The following INSC variants were observed in gnomAD, a reference collection of about 807,000 sequenced individuals.
The protein encoded by INSC is INSC spindle orientation adaptor protein.
A neutral mutation model predicts 58.6 loss-of-function variants in INSC; 67 were observed. The observed-to-expected ratio is 1.14, with a 90% CI of 0.94 to 1.40. The LOEUF (loss-of-function observed/expected upper bound fraction) is 1.40. Ranked by LOEUF, INSC falls within the 40% of genes most tolerant of loss-of-function variation. INSC has a pLI of 0.00. For synonymous variants in INSC, 262 were observed against 276.1 expected (o/e 0.95, Z 0.51); for missense variants, 714 against 692.0 (o/e 1.03, Z -0.36).
intron 7 of INSC, among the ~76,000 whole-genome samples, chr11:15,210,296 G>A (rs1850968712): frequency 6.6e-6 from 1 of 151,910 alleles, no homozygotes; most frequent in African/African-American, 2.4e-5. Context: ...GTATCCTGTG[G>A]CATATGAAGT....
chr11:15,248,485 G>C (rs545447912), downstream of INSC, among the ~76,000 whole-genome samples: 1 of 152,244 alleles, frequency 6.6e-6, no homozygotes, highest in African/African-American at 2.4e-5. Context: ...CAGAGATCAG[G>C]GGCCCTACTT....
At chr11:15,252,831 G>T in the INSC span, among the ~76,000 whole-genome samples, 3 of 152,128 alleles carry the variant, frequency 2.0e-5, no homozygotes, top group Admixed American at 6.6e-5. Context: ...AGGCTTTTCT[G>T]TCTGATATGC....
chr11:15,221,720 A>T, intron 8 of INSC, 72 bp downstream of exon 8: 1 of 1,433,508 alleles, frequency 7.0e-7, no homozygotes, highest in Non-Finnish European at 9.4e-7. Flanking sequence ...AATAGCCAGG[A>T]AGGCCTTCCC....
chr11:15,172,722 G>T (rs2133815675), intron 2 of INSC, among the ~76,000 whole-genome samples: 1 of 152,336 alleles, frequency 6.6e-6, no homozygotes, highest in South Asian at 2.1e-4. Context: ...TTGTGAAAGA[G>T]AGTGGTATGT....
At chr11:15,206,089 G>C (rs529063740) in intron 7 of INSC, among the ~76,000 whole-genome samples, 71 of 152,282 alleles carry the variant, frequency 4.7e-4, no homozygotes, top group African/African-American at 1.6e-3. Flanking sequence ...TTCCTTCCCT[G>C]TGTCTTCATC....
At chr11:15,190,570 AGG>A in intron 5 of INSC, 129 bp from the exon 6 acceptor site, 1 of 715,874 alleles carries the variant, frequency 1.4e-6, no homozygotes, top group Admixed American at 1.9e-5. Flanking sequence ...ACTCACAATG[AGG>A]CAGTAGCTAG....
chr11:15,144,072 C>T lies in INSC; in HGVS notation c.-45-5058C>T, dbSNP rs568528648. On this transcript the variant is annotated intron_variant, in intron 1 of 12. Transcript: ENST00000379556. Reference sequence around the variant, plus strand: ...GCTCTGTGTGCCTGATTGGTGGCACCTAAGTCATGTGTTTTACTCTTGCTG... The same window carrying T: ...GCTCTGTGTGCCTGATTGGTGGCACTTAAGTCATGTGTTTTACTCTTGCTG... 2.0e-5 allele frequency among the ~76,000 whole-genome samples: 3 copies of T among 152,100 alleles called. No individual in the cohort carries two copies. In the South Asian group the frequency reaches 6.3e-4, roughly 32 times the overall value.
At chr11:15,113,383 T>C (rs142601878), upstream of INSC, among the ~76,000 whole-genome samples, 128 of 152,256 alleles carry the variant, frequency 8.4e-4, 1 homozygote, top group Middle Eastern at 3.4e-3. Context: ...ATGGACTTAA[T>C]CTCCGGACTT....
chr11:15,149,210 C>T lies in INSC; in HGVS notation c.36C>T (p.Ser12=), dbSNP rs572310152. 84 of 1,608,734 alleles carry T rather than the reference C, an allele frequency of 5.2e-5. No individual in the cohort carries two copies. Among genetic ancestry groups the T allele is most frequent in the South Asian group, 3.9e-4 (35 of 90,370 alleles). ...MALPGGRHLD[S]VTLPGQRLHL... is the part of the protein sequence containing the mutation. Reference sequence around the variant, plus strand: ...TGCCTGGAGGTCGCCACCTGGACTCCGTCACCCTGCCGGGTCAGCGGTAAG... The same window carrying T: ...TGCCTGGAGGTCGCCACCTGGACTCTGTCACCCTGCCGGGTCAGCGGTAAG... Residue 12 remains serine, a synonymous_variant, in exon 2 of 13, where the codon TCC becomes TCT. Transcript: ENST00000379556.
Position 15,245,933 on chromosome 11 carries a change from G to T in INSC, c.1492G>T (p.Gly498Trp), listed in dbSNP as rs749397195. The T allele has an allele frequency of 6.2e-7, 1 of 1,614,154 alleles. No homozygotes were observed. The highest frequency in any genetic ancestry group is 8.5e-7 in the Non-Finnish European group (1 of 1,179,978). Reference protein sequence around the residue: ...ACLAALRRLAGVCPEGLQDSD... With the variant: ...ACLAALRRLAWVCPEGLQDSD... ...CCAGGCTGCTCTGCGTAGATTGGCT[G>T]GGGTCTGCCCTGAAGGCCTCCAGGA... The change falls in exon 13 of 13, where the codon GGG becomes TGG. Residue 498 changes from glycine to tryptophan, a missense_variant. Gly to Trp is a radical substitution (Grantham distance 184). Coordinates refer to ENST00000379556, the MANE Select transcript of INSC (RefSeq NM_001042536.3).
intron 4 of INSC, 137 bp downstream of exon 4, chr11:15,177,300 A>G: frequency 1.4e-6 from 1 of 701,550 alleles, no homozygotes; most frequent in Non-Finnish European, 2.5e-6. Flanking sequence ...TCTGACTTTT[A>G]TCAGAAATCT....
intron 7 of INSC, among the ~76,000 whole-genome samples, chr11:15,201,998 A>G (rs1030022262): frequency 5.9e-5 from 9 of 152,112 alleles, no homozygotes; most frequent in African/African-American, 2.2e-4. Flanking sequence ...TTCCAAACCT[A>G]CTCAGATTAT....
At chr11:15,178,231 G>C in intron 4 of INSC, 93 bp from the exon 5 acceptor site, 2 of 1,528,420 alleles carry the variant, frequency 1.3e-6, no homozygotes, top group South Asian at 2.4e-5. Flanking sequence ...GCACACACCA[G>C]GCTTGTAGCA....
Position 15,237,687 on chromosome 11 carries a change from A to T in INSC, c.1238-1232A>T, listed in dbSNP as rs1367195416. On this transcript the variant is annotated intron_variant, in intron 10 of 12. Coordinates refer to ENST00000379556, the MANE Select transcript of INSC (RefSeq NM_001042536.3). ...CTGGGCTTTGAGAGTCCATGGTCTA[A>T]ATAACAGGTTGCAAACTTAGATGCC... 3.3e-5 allele frequency among the ~76,000 whole-genome samples: 5 copies of T among 152,184 alleles called. No homozygotes were observed. In the South Asian group the frequency reaches 8.3e-4, roughly 25 times the overall value.
downstream of INSC, among the ~76,000 whole-genome samples, chr11:15,250,401 T>G (rs940884738): frequency 1.1e-4 from 16 of 152,244 alleles, no homozygotes; most frequent in Admixed American, 9.2e-4. Context: ...TAAAGTTCTG[T>G]GCAAATGTAA....
At chr11:15,148,832 G>C (rs1223593568) in intron 1 of INSC, among the ~76,000 whole-genome samples, 1 of 152,140 alleles carries the variant, frequency 6.6e-6, no homozygotes, top group Non-Finnish European at 1.5e-5. Context: ...AATACGTATG[G>C]GCTGTGTGTC....
At chr11:15,148,455 A>T (rs1216234551) in intron 1 of INSC, among the ~76,000 whole-genome samples, 1 of 152,196 alleles carries the variant, frequency 6.6e-6, no homozygotes, top group East Asian at 1.9e-4. Context: ...CCAACAGGAG[A>T]CATACTGCCT....
At position 15,221,486 on chromosome 11, in the gene INSC, G is replaced by A. The variant is rs367596666; in HGVS notation, c.829G>A (p.Val277Ile). 113 of 1,609,900 alleles carry A rather than the reference G, an allele frequency of 7.0e-5. No individual in the cohort carries two copies. The highest frequency in any genetic ancestry group is 6.9e-4 in the South Asian group (62 of 90,362). The change falls in exon 8 of 13, where the codon GTT (valine) becomes ATT (isoleucine). Residue 277 changes from valine to isoleucine, a missense_variant. By Grantham distance (29) the Val-to-Ile change is conservative. Coordinates refer to ENST00000379556, the MANE Select transcript of INSC (RefSeq NM_001042536.3). ...CTCTCTCCATCTGCAGGTGGATGGC[G>A]TTCTGTGCTTGGCCGACATCCTGAC... ...GVHQLEKVDGVLCLADILTDN... is the reference protein window; with the variant it reads ...GVHQLEKVDGILCLADILTDN...
chr11:15,147,424 G>A (rs1470126128), intron 1 of INSC, among the ~76,000 whole-genome samples: 5 of 152,158 alleles, frequency 3.3e-5, no homozygotes, highest in African/African-American at 9.7e-5. Context: ...CAGACTCATA[G>A]GACATAACAA....
Sources: gnomAD v4.1 joint callset for allele counts (sites outside exome capture counted in the v4.1 genomes callset) on GRCh38, gnomAD v4.1.1 for gene constraint, MANE v1.5 for transcripts, NCBI Gene and HGNC (gene_info 2026-07-23, HGNC 2026-07-21) for gene names.